Variants in PLA2G4A observed in about 807,000 individuals in gnomAD.
PLA2G4A encodes the protein cytosolic phospholipase A2.
In PLA2G4A, 40 loss-of-function variants were observed where a neutral mutation model predicts 81.9. The observed-to-expected ratio is 0.49, with a 90% CI of 0.38 to 0.64. The LOEUF is 0.64. Among genes scored for constraint, PLA2G4A ranks in the 30% least tolerant of loss-of-function variants. The pLI is 0.00. For missense variants in PLA2G4A, 715 were observed against 905.1 expected (o/e 0.79, Z 2.69); for synonymous variants, 302 against 296.9 (o/e 1.02, Z -0.18).
chr1:186,891,762 G>GGA (rs1247246589), intron 3 of PLA2G4A, among the ~76,000 whole-genome samples: 11 of 152,166 alleles, frequency 7.2e-5, no homozygotes, highest in Admixed American at 7.2e-4. Flanking sequence ...AATAAACACA[G>GGA]GAGTACAGAT....
intron 4 of PLA2G4A, 21 bp downstream of exon 4, chr1:186,893,180 C>G (rs1301371809): frequency 1.3e-6 from 2 of 1,599,218 alleles, no homozygotes; most frequent in African/African-American, 2.7e-5. Context: ...CATTTGGATG[C>G]TGTTAGATGG....
intron 3 of PLA2G4A, among the ~76,000 whole-genome samples, chr1:186,881,352 T>C (rs1293250187): frequency 1.3e-5 from 2 of 152,082 alleles, no homozygotes; most frequent in South Asian, 2.1e-4. Context: ...CACATTTGAG[T>C]TCCTAGGCAA....
In PLA2G4A at chr1:186,954,261, TA is replaced by T. The variant is rs1363902719; in HGVS notation, c.1337-1835del. Among the ~76,000 whole-genome samples the T allele has an allele frequency of 2.6e-5, 4 of 152,220 alleles. No individual in the cohort carries two copies. The East Asian group carries it at 5.8e-4, about 22-fold the overall frequency. On this transcript the variant is annotated intron_variant, in intron 13 of 17. Transcript: ENST00000367466. ...TATACCATGGAATACTATATAGCCA[TA>T]AAAAAGGATGGGTTCATGTCCTTTG...
intron 17 of PLA2G4A, among the ~76,000 whole-genome samples, chr1:186,981,925 A>G (rs1286462523): frequency 6.6e-6 from 1 of 152,274 alleles, no homozygotes; most frequent in Non-Finnish European, 1.5e-5. Context: ...GTCCAAGGAC[A>G]GACAGTAGCA....
chr1:186,853,353 A>C (rs904405310), intron 1 of PLA2G4A, among the ~76,000 whole-genome samples: 1 of 151,428 alleles, frequency 6.6e-6, no homozygotes, highest in Non-Finnish European at 1.5e-5. Context: ...CATAATGAAA[A>C]TGGTGATTAC....
intron 13 of PLA2G4A, among the ~76,000 whole-genome samples, chr1:186,955,703 AT>A (rs1410066766): frequency 2.7e-5 from 4 of 150,170 alleles, no homozygotes; most frequent in African/African-American, 9.8e-5. Context: ...TTTATTGTTA[AT>A]TTTAACATTC....
At chr1:186,967,186 T>G (rs973243106) in intron 15 of PLA2G4A, among the ~76,000 whole-genome samples, 2 of 152,176 alleles carry the variant, frequency 1.3e-5, no homozygotes, top group Non-Finnish European at 2.9e-5. Flanking sequence ...TAATGGTTAT[T>G]ATAATAACTC....
chr1:186,951,162 G>A (rs570340736), intron 13 of PLA2G4A, among the ~76,000 whole-genome samples: 30 of 152,146 alleles, frequency 2.0e-4, no homozygotes, highest in African/African-American at 6.0e-4. Context: ...TTATCCCACT[G>A]GCTACACCCT....
Position 186,988,578 on chromosome 1 carries a change from A to G in PLA2G4A, c.*70A>G. On this transcript the variant is annotated 3_prime_UTR_variant, in exon 18 of 18. Transcript: ENST00000367466. ...TGCAATCCCATGACAACTGGATTTAAAAGTACAGTACAGATAGTCGTACTG... is the reference window on the plus strand; with the variant it reads ...TGCAATCCCATGACAACTGGATTTAGAAGTACAGTACAGATAGTCGTACTG... 1 of 1,357,182 alleles carries G rather than the reference A, an allele frequency of 7.4e-7. No individual in the cohort carries two copies. The highest frequency in any genetic ancestry group is 1.0e-6 in the Non-Finnish European group (1 of 952,918). 84.1% of individuals were successfully genotyped at this position (1,357,182 alleles called of 1,614,324 possible).
At chr1:186,952,540 A>G (rs1169893074) in intron 13 of PLA2G4A, among the ~76,000 whole-genome samples, 1 of 152,134 alleles carries the variant, frequency 6.6e-6, no homozygotes, top group Non-Finnish European at 1.5e-5. Context: ...CATTTGTTAC[A>G]AGTGATGAAC....
chr1:186,967,718 G>C (rs1242516723), intron 15 of PLA2G4A, among the ~76,000 whole-genome samples: 1 of 152,092 alleles, frequency 6.6e-6, no homozygotes, highest in Admixed American at 6.6e-5. Context: ...GGTGAGAACA[G>C]CACAGAGATG....
chr1:186,961,894 T>A (rs1656959012), intron 14 of PLA2G4A, among the ~76,000 whole-genome samples: 1 of 152,184 alleles, frequency 6.6e-6, no homozygotes, highest in Non-Finnish European at 1.5e-5. Context: ...TCACCTGCTG[T>A]CAACCACAGT....
chr1:186,847,073 G>T (rs1369134997), intron 1 of PLA2G4A, among the ~76,000 whole-genome samples: 3 of 151,526 alleles, frequency 2.0e-5, no homozygotes, highest in Non-Finnish European at 4.4e-5. Flanking sequence ...GAGAAGAAAA[G>T]GAAATGTTTA....
rs200451928 is a variant in PLA2G4A, at chr1:186,893,141, T to C, written c.246T>C (p.Asn82=). Residue 82 remains asparagine (N), a synonymous_variant, in exon 4 of 18, where the codon AAT becomes AAC. Coordinates refer to ENST00000367466, the MANE Select transcript of PLA2G4A (RefSeq NM_024420.3). Reference sequence around the variant, plus strand: ...CCTTTGAATTTATTTTGGATCCTAATCAGGAAAATGTTTTGGAGGTAAGTG... The same window carrying C: ...CCTTTGAATTTATTTTGGATCCTAACCAGGAAAATGTTTTGGAGGTAAGTG... ...NETFEFILDP[N]QENVLEITLM... 59 of 1,612,766 alleles carry C rather than the reference T, an allele frequency of 3.7e-5. No individual in the cohort carries two copies. In the African/African-American group the frequency reaches 7.6e-4, roughly 21 times the overall value.
chr1:186,855,904 G>A (rs942058419), intron 2 of PLA2G4A, among the ~76,000 whole-genome samples: 14 of 151,856 alleles, frequency 9.2e-5, no homozygotes, highest in African/African-American at 1.7e-4. Flanking sequence ...TGTAGTTTGC[G>A]CCAATACTAA....
intron 7 of PLA2G4A, among the ~76,000 whole-genome samples, chr1:186,925,644 T>G (rs1655520122): frequency 6.6e-6 from 1 of 152,176 alleles, no homozygotes; most frequent in African/African-American, 2.4e-5. Context: ...CATCCTTTAA[T>G]GAGCACACAG....
At chr1:186,889,140 A>G (rs1009028081) in intron 3 of PLA2G4A, among the ~76,000 whole-genome samples, 3 of 152,036 alleles carry the variant, frequency 2.0e-5, no homozygotes, top group African/African-American at 4.8e-5. Flanking sequence ...TCTTTGGCCC[A>G]TTTCACCTTA....
At chr1:186,913,489 TACA>T (rs1367213254) in intron 7 of PLA2G4A, among the ~76,000 whole-genome samples, 1 of 152,138 alleles carries the variant, frequency 6.6e-6, no homozygotes, top group African/African-American at 2.4e-5. Flanking sequence ...ATCTGAAATC[TACA>T]AAGATTAATT....
chr1:186,843,298 T>A (rs1652053756), intron 1 of PLA2G4A, among the ~76,000 whole-genome samples: 1 of 152,272 alleles, frequency 6.6e-6, no homozygotes, highest in Non-Finnish European at 1.5e-5. Flanking sequence ...TAGCAACTGC[T>A]AAGATATATT....
Sources: gnomAD v4.1 joint callset for allele counts (sites outside exome capture counted in the v4.1 genomes callset) on GRCh38, gnomAD v4.1.1 for gene constraint, MANE v1.5 for transcripts, NCBI Gene and HGNC (gene_info 2026-07-23, HGNC 2026-07-21) for gene names.